Variants in ZNF10 observed in about 807,000 individuals in gnomAD.
ZNF10 encodes zinc finger protein 10 (KOX 1).
ZNF10 carries 8 observed loss-of-function variants against 12.2 expected under a neutral mutation model. The ratio of observed to expected loss-of-function variants is 0.66; its 90% CI spans 0.39 to 1.18. The LOEUF is 1.18. Ranked by LOEUF, ZNF10 falls within the 50% of genes most tolerant of loss-of-function variation. The pLI is 0.01. For missense variants in ZNF10, 603 were observed against 678.9 expected (o/e 0.89, Z 1.24); for synonymous variants, 229 against 228.2 (o/e 1.00, Z -0.03).
chr12:133,154,121 G>C (rs547352648), intron 4 of ZNF10, among the ~76,000 whole-genome samples: 4 of 151,628 alleles, frequency 2.6e-5, no homozygotes, highest in Admixed American at 1.3e-4. Context: ...TTTGTCGGCG[G>C]GGGGGATACA....
rs199796493 is a variant in ZNF10 at position 133,151,933 on chromosome 12, C to A, written c.256+29C>A. On this transcript the variant is annotated intron_variant, in intron 4 of 4. Transcript: ENST00000248211. ...AGGACCAGTCAAGAGTTGTCATAGG[C>A]AGCAGCCCAGATGGGCTGTGAGGTG... The A allele has an allele frequency of 1.9e-6, 3 of 1,585,532 alleles. No homozygotes were observed. In the South Asian group the frequency reaches 3.3e-5, roughly 18 times the overall value.
chr12:133,141,687 G>A lies in ZNF10; in HGVS notation c.-59-2747G>A, dbSNP rs75126484. ...ACCAGAAAAAAAATGAAAAGAACTT[G>A]AGTAAGCTGTGGATAGCATCAGGTA... On this transcript the variant is annotated intron_variant, in intron 1 of 4. Transcript: ENST00000248211. Among the ~76,000 whole-genome samples, 1,182 of 152,166 alleles carry A rather than the reference G, an allele frequency of 7.8e-3. 18 individuals carry two copies. The highest frequency in any genetic ancestry group is 0.027 in the African/African-American group (1,140 of 41,526).
intron 3 of ZNF10, 31 bp downstream of exon 3, chr12:133,151,185 G>A: frequency 6.3e-7 from 1 of 1,597,462 alleles, no homozygotes; most frequent in Non-Finnish European, 8.5e-7. Flanking sequence ...GAAGATTTTG[G>A]TTCTCCATTG....
rs73162493 is a variant in ZNF10, at chr12:133,151,899, A to C, written c.251A>C (p.His84Pro). 303 of 1,612,728 alleles carry C rather than the reference A, an allele frequency of 1.9e-4. No individual in the cohort carries two copies. The African/African-American group carries it at 2.1e-3, about 11-fold the overall frequency. Residue 84 changes from histidine to proline, a missense_variant, in exon 4 of 5, where the codon CAT becomes CCT. His to Pro is a moderately conservative substitution (Grantham distance 77, BLOSUM62 -2). Transcript: ENST00000248211. ...GAGAGAGAAATTCACCAAGAGACCCATCCTGGTGAGGACCAGTCAAGAGTT... is the reference window on the plus strand; with the variant it reads ...GAGAGAGAAATTCACCAAGAGACCCCTCCTGGTGAGGACCAGTCAAGAGTT... ...LVEREIHQET[H>P]PDSETAFEIK...
At position 133,156,511 on chromosome 12, in the gene ZNF10, T is replaced by G; in HGVS notation, c.1265T>G (p.Val422Gly). Residue 422 changes from valine (V) to glycine (G), a missense_variant, in exon 5 of 5, where the codon GTG becomes GGG. By Grantham distance (109) the Val-to-Gly change is moderately radical (BLOSUM62 -3). Around this residue, in one of 3 missense-constraint regions of ZNF10, gnomAD observed 204 missense variants for 262.8 expected, o/e 0.78. Coordinates refer to ENST00000248211, the MANE Select transcript of ZNF10 (RefSeq NM_015394.5). ...KSYSQRSHLV[V>G]HHRIHTGLKP... ...TACAGCCAGAGATCTCACCTTGTTG[T>G]GCATCATAGAATTCACACTGGACTA... 1 of 1,614,114 alleles carries G rather than the reference T, an allele frequency of 6.2e-7. No homozygotes were observed. The highest frequency in any genetic ancestry group is 8.5e-7 in the Non-Finnish European group (1 of 1,179,978).
At chr12:133,140,053 A>C (rs1369286620) in intron 1 of ZNF10, among the ~76,000 whole-genome samples, 1 of 151,696 alleles carries the variant, frequency 6.6e-6, no homozygotes, top group Non-Finnish European at 1.5e-5. Context: ...AAATTTAAAG[A>C]TTAGCTGAGT....
At chr12:133,143,393 T>C (rs1016962274) in intron 1 of ZNF10, 1 of 152,042 alleles carries the variant, frequency 6.6e-6, no homozygotes, top group African/African-American at 2.4e-5. Flanking sequence ...CAAAACCCAC[T>C]GAATACACAG....
chr12:133,147,530 A>C (rs1955982914), intron 2 of ZNF10, among the ~76,000 whole-genome samples: 1 of 152,064 alleles, frequency 6.6e-6, no homozygotes, highest in South Asian at 2.1e-4. Flanking sequence ...CTTATTTATT[A>C]CCAACTACCT....
intron 1 of ZNF10, among the ~76,000 whole-genome samples, chr12:133,132,077 G>T (rs1955882075): frequency 6.6e-6 from 1 of 152,090 alleles, no homozygotes; most frequent in South Asian, 2.1e-4. Context: ...TCCTCAACAA[G>T]TTAGCACATA....
intron 1 of ZNF10, chr12:133,144,171 G>A (rs1227422009): frequency 3.4e-5 from 7 of 205,596 alleles, no homozygotes; most frequent in Non-Finnish European, 5.8e-5. Flanking sequence ...TGTAATGGTA[G>A]GTAGGATCAT....
At position 133,156,973 on chromosome 12, in the gene ZNF10, T is replaced by C; in HGVS notation, c.*5T>C. On this transcript the variant is annotated 3_prime_UTR_variant, in exon 5 of 5. Transcript: ENST00000248211. ...ATTAGAGAAAATGCTTACTAATAAA[T>C]ATGGGAATTTTTCACAAAGAGCAAT... 7.1e-7 allele frequency: 1 copy of C among 1,411,406 alleles called. No individual in the cohort carries two copies. Among genetic ancestry groups the C allele is most frequent in the East Asian group, 2.5e-5 (1 of 39,598 alleles). The allele number at this position is 1,411,406 out of a possible 1,614,324, so 87.4% of individuals were successfully genotyped here.
intron 1 of ZNF10, among the ~76,000 whole-genome samples, chr12:133,131,367 G>A (rs1955874862): frequency 6.6e-6 from 1 of 151,278 alleles, no homozygotes; most frequent in African/African-American, 2.4e-5. Context: ...TAATATGAGT[G>A]TCAAAGATAA....
intron 2 of ZNF10, 90 bp downstream of exon 2, chr12:133,144,615 C>G: frequency 1.5e-6 from 2 of 1,290,682 alleles, no homozygotes; most frequent in South Asian, 2.6e-5. Context: ...ATATCTTCTT[C>G]TCCAGCAGAC....
At chr12:133,139,743 T>G (rs1176294693) in intron 1 of ZNF10, among the ~76,000 whole-genome samples, 2 of 151,968 alleles carry the variant, frequency 1.3e-5, no homozygotes, top group Non-Finnish European at 2.9e-5. Flanking sequence ...AAAAAGAAAC[T>G]CTAGAAAGAC....
chr12:133,143,660 C>T (rs1955959109), intron 1 of ZNF10: 1 of 152,284 alleles, frequency 6.6e-6, no homozygotes, highest in South Asian at 2.1e-4. Flanking sequence ...TTTAAATTAT[C>T]TTTAAAATGT....
chr12:133,151,902 C>A lies in ZNF10; in HGVS notation c.254C>A (p.Pro85His). The change falls in exon 4 of 5, where the codon CCT (proline) becomes CAT (histidine). Residue 85 changes from proline to histidine, a missense_variant and splice_region_variant. Physicochemically the swap from Pro to His is moderately conservative, Grantham distance 77. Around this residue, in one of 3 missense-constraint regions of ZNF10, gnomAD observed 393 missense variants for 399.7 expected, o/e 0.98. Coordinates refer to ENST00000248211, the MANE Select transcript of ZNF10 (RefSeq NM_015394.5). ...AGAGAAATTCACCAAGAGACCCATC[C>A]TGGTGAGGACCAGTCAAGAGTTGTC... ...VEREIHQETH[P>H]DSETAFEIKS... The A allele has an allele frequency of 1.9e-6, 3 of 1,612,434 alleles. No individual in the cohort carries two copies. The highest frequency in any genetic ancestry group is 2.2e-5 in the South Asian group (2 of 91,022).
chr12:133,148,962 G>C (rs1955992284), intron 2 of ZNF10, among the ~76,000 whole-genome samples: 2 of 152,072 alleles, frequency 1.3e-5, no homozygotes, highest in African/African-American at 4.8e-5. Flanking sequence ...ATGTTGGTCA[G>C]GCTGGTCTGG....
intron 1 of ZNF10, among the ~76,000 whole-genome samples, chr12:133,132,333 G>A (rs547618405): frequency 2.0e-4 from 29 of 146,328 alleles, no homozygotes; most frequent in African/African-American, 6.9e-4. Flanking sequence ...GCAATGGCTC[G>A]ATCTTGGCTC....
chr12:133,150,808 A>T (rs1956002650), intron 2 of ZNF10, among the ~76,000 whole-genome samples: 1 of 152,212 alleles, frequency 6.6e-6, no homozygotes, highest in Admixed American at 6.5e-5. Flanking sequence ...CTTTAACCTA[A>T]AGCATCACAT....
Sources: gnomAD v4.1 joint callset for allele counts (sites outside exome capture counted in the v4.1 genomes callset) on GRCh38, gnomAD v4.1.1 for gene constraint, gnomAD v4.1.1 regional missense constraint, MANE v1.5 for transcripts, NCBI Gene and HGNC (gene_info 2026-07-23, HGNC 2026-07-21) for gene names.